ARHGAP24: variants seen among roughly 807,000 people sequenced by gnomAD.
The protein encoded by ARHGAP24 is Rho GTPase activating protein 24, also known as rho GTPase-activating protein 24.
In ARHGAP24, 50 loss-of-function variants were observed where a neutral mutation model predicts 76.4. The observed-to-expected ratio is 0.65, with a 90% CI of 0.52 to 0.83. The LOEUF (loss-of-function observed/expected upper bound fraction) is 0.83, where lower values mean the gene tolerates loss of function less well. ARHGAP24 is among the 40% of genes least tolerant of loss of function. The pLI, the probability that ARHGAP24 is intolerant of heterozygous loss-of-function variation, is 0.00. For synonymous variants in ARHGAP24, 345 were observed against 323.3 expected (o/e 1.07, Z -0.72); for missense variants, 930 against 914.2 (o/e 1.02, Z -0.22).
intron 1 of ARHGAP24, among the ~76,000 whole-genome samples, chr4:85,496,769 C>T (rs538041576): frequency 3.3e-5 from 5 of 152,314 alleles, no homozygotes; most frequent in East Asian, 3.9e-4. Context: ...TGTCTAACTA[C>T]GGACACTAGC....
At chr4:85,591,714 C>A (rs1258563976) in intron 2 of ARHGAP24, among the ~76,000 whole-genome samples, 2 of 152,114 alleles carry the variant, frequency 1.3e-5, no homozygotes, top group Non-Finnish European at 2.9e-5. Flanking sequence ...CTCACGTGCA[C>A]TCTGACATTT....
chr4:85,569,892 A>G (rs1727011265), intron 1 of ARHGAP24, among the ~76,000 whole-genome samples: 1 of 152,226 alleles, frequency 6.6e-6, no homozygotes, highest in African/African-American at 2.4e-5. Context: ...TTGCTCAGGT[A>G]AACCTAGGCC....
intron 2 of ARHGAP24, among the ~76,000 whole-genome samples, chr4:85,588,132 T>A (rs553767945): frequency 6.6e-6 from 1 of 152,282 alleles, no homozygotes; most frequent in Non-Finnish European, 1.5e-5. Flanking sequence ...GATTTCTCAG[T>A]CATCCCTGCC....
chr4:85,937,974 A>T (rs1021252299), intron 4 of ARHGAP24, among the ~76,000 whole-genome samples: 1 of 152,170 alleles, frequency 6.6e-6, no homozygotes, highest in Non-Finnish European at 1.5e-5. Context: ...AGAAGAATGA[A>T]ATATGAATGT....
chr4:85,739,261 T>C (rs1725728369), intron 3 of ARHGAP24, among the ~76,000 whole-genome samples: 1 of 152,212 alleles, frequency 6.6e-6, no homozygotes, highest in Non-Finnish European at 1.5e-5. Flanking sequence ...TCTATGCATT[T>C]CCATCTTCAG....
At chr4:85,564,466 C>CACCA (rs1560534522) in intron 1 of ARHGAP24, among the ~76,000 whole-genome samples, 1 of 150,352 alleles carries the variant, frequency 6.7e-6, no homozygotes, top group East Asian at 2.0e-4. Flanking sequence ...GGGTGCAGCA[C>CACCA]ACCAACATGG....
intron 3 of ARHGAP24, among the ~76,000 whole-genome samples, chr4:85,751,774 A>T (rs1270501667): frequency 1.3e-5 from 2 of 152,204 alleles, no homozygotes; most frequent in African/African-American, 4.8e-5. Context: ...CCATTATAGG[A>T]ATTAGGTAGT....
intron 3 of ARHGAP24, among the ~76,000 whole-genome samples, chr4:85,819,843 C>T (rs1729392711): frequency 6.7e-6 from 1 of 149,960 alleles, no homozygotes; most frequent in Non-Finnish European, 1.5e-5. Context: ...TCACTTGAAC[C>T]CAGGAGGCAG....
intron 3 of ARHGAP24, among the ~76,000 whole-genome samples, chr4:85,846,377 C>T (rs996473552): frequency 6.6e-6 from 1 of 151,514 alleles, no homozygotes; most frequent in Non-Finnish European, 1.5e-5. Flanking sequence ...GGTCTACTTT[C>T]ATAATTCAGG....
intron 3 of ARHGAP24, among the ~76,000 whole-genome samples, chr4:85,883,877 A>G (rs923757647): frequency 1.6e-4 from 25 of 152,184 alleles, no homozygotes; most frequent in African/African-American, 5.8e-4. Context: ...ATGTTGACCT[A>G]TAATTTTTCA....
chr4:85,969,822 A>T (rs1029219264), intron 5 of ARHGAP24, among the ~76,000 whole-genome samples: 1 of 152,172 alleles, frequency 6.6e-6, no homozygotes, highest in Non-Finnish European at 1.5e-5. Flanking sequence ...ATTTTTTGGA[A>T]TTTAGTTTTA....
intron 3 of ARHGAP24, among the ~76,000 whole-genome samples, chr4:85,795,265 T>G (rs1383491575): frequency 6.6e-6 from 1 of 152,176 alleles, no homozygotes; most frequent in Non-Finnish European, 1.5e-5. Flanking sequence ...AATACAGTAA[T>G]AATCTAATGG....
chr4:85,638,587 A>G (rs1401742952), intron 2 of ARHGAP24, among the ~76,000 whole-genome samples: 2 of 152,008 alleles, frequency 1.3e-5, no homozygotes, highest in Admixed American at 1.3e-4. Flanking sequence ...TTTCCTCTCT[A>G]ATAGTAACAT....
At chr4:85,837,537 A>G (rs770955450) in intron 3 of ARHGAP24, among the ~76,000 whole-genome samples, 2 of 152,228 alleles carry the variant, frequency 1.3e-5, no homozygotes, top group South Asian at 2.1e-4. Context: ...AAAAAAAAAC[A>G]AGCAGCGGAA....
intron 2 of ARHGAP24, among the ~76,000 whole-genome samples, chr4:85,579,995 G>T (rs915114622): frequency 1.3e-5 from 2 of 152,018 alleles, no homozygotes; most frequent in Non-Finnish European, 2.9e-5. Context: ...TGTGTCATAT[G>T]GTAACTGTAT....
At chr4:85,908,345 T>C (rs1371232295) in intron 3 of ARHGAP24, among the ~76,000 whole-genome samples, 2 of 152,204 alleles carry the variant, frequency 1.3e-5, no homozygotes, top group African/African-American at 4.8e-5. Flanking sequence ...GATCACAAGG[T>C]CCTGGTGGAT....
intron 3 of ARHGAP24, among the ~76,000 whole-genome samples, chr4:85,734,323 T>G (rs1460014835): frequency 6.6e-6 from 1 of 152,232 alleles, no homozygotes; most frequent in Non-Finnish European, 1.5e-5. Context: ...GGAAATACAT[T>G]GGACATCTAG....
intron 9 of ARHGAP24, 37 bp from the exon 10 acceptor site, chr4:86,000,442 C>CGGGGGGGGGGGGGGGGGGGGGGGGG: frequency 2.5e-6 from 2 of 807,894 alleles, no homozygotes; most frequent in Non-Finnish European, 3.9e-6. Context: ...CTTACTCTTG[C>CGGGGGGGGGGGGGGGGGGGGGGGGG]GTCCCCACCC....
At chr4:85,949,385 A>G (rs1016932175) in intron 5 of ARHGAP24, among the ~76,000 whole-genome samples, 1 of 152,340 alleles carries the variant, frequency 6.6e-6, no homozygotes. Flanking sequence ...CAAGTGGGCA[A>G]TGCTCGGCAG....
Sources: allele counts gnomAD v4.1 joint callset (sites outside exome capture counted in the v4.1 genomes callset), GRCh38; gene constraint gnomAD v4.1.1; transcripts MANE v1.5; gene names NCBI Gene and HGNC (gene_info 2026-07-23, HGNC 2026-07-21).